The following PTPRM variants were observed in gnomAD, a reference collection of about 807,000 sequenced individuals.
The protein encoded by PTPRM is protein tyrosine phosphatase receptor type M, also known as receptor-type tyrosine-protein phosphatase mu.
A neutral mutation model predicts 186.7 loss-of-function variants in PTPRM; 47 were observed. That is an observed-to-expected ratio of 0.25 (90% CI 0.20 to 0.32). The LOEUF (loss-of-function observed/expected upper bound fraction) is 0.32. PTPRM is among the 10% of genes least tolerant of loss of function. The pLI is 1.00. For synonymous variants in PTPRM, 668 were observed against 674.9 expected, an observed-to-expected ratio of 0.99 and a Z score of 0.16; for missense variants, 1,494 against 1,865.0, an observed-to-expected ratio of 0.80 and a Z score of 3.66.
intron 2 of PTPRM, among the ~76,000 whole-genome samples, chr18:7,795,861 C>A (rs1326926354): frequency 1.4e-5 from 2 of 138,944 alleles, no homozygotes; most frequent in African/African-American, 2.8e-5. Flanking sequence ...GTCACCCAGG[C>A]TGAAATTCAG....
chr18:8,151,531 G>C (rs2093006506), intron 14 of PTPRM, among the ~76,000 whole-genome samples: 1 of 131,706 alleles, frequency 7.6e-6, no homozygotes, highest in African/African-American at 3.0e-5. Context: ...GACTACTGCT[G>C]TGCTGGCTGC....
intron 14 of PTPRM, among the ~76,000 whole-genome samples, chr18:8,163,056 G>A (rs1172958190): frequency 1.3e-5 from 2 of 152,170 alleles, no homozygotes; most frequent in Non-Finnish European, 2.9e-5. Flanking sequence ...ACGACAGCTA[G>A]CTCCCAAGGA....
chr18:7,870,185 A>C (rs1283578021), intron 2 of PTPRM, among the ~76,000 whole-genome samples: 1 of 152,126 alleles, frequency 6.6e-6, no homozygotes, highest in African/African-American at 2.4e-5. Flanking sequence ...TGCCTTACTC[A>C]ACATAAATTA....
Position 8,103,038 on chromosome 18 carries a change from C to G in PTPRM, c.1857-10448C>G, listed in dbSNP as rs144826524. On this transcript the variant is annotated intron_variant, in intron 11 of 32. Coordinates refer to ENST00000580170, the MANE Select transcript of PTPRM (RefSeq NM_001105244.2). ...ATATTTAGAAAGGAATCCTTTTTTT[C>G]TGAGAAGTAGGTCTCAACAGTGGGC... Among the ~76,000 whole-genome samples, 379 of 151,956 alleles carry G rather than the reference C, an allele frequency of 2.5e-3. 1 individual carries two copies. The highest frequency in any genetic ancestry group is 8.7e-3 in the African/African-American group (362 of 41,422).
At chr18:7,607,937 A>G (rs965299884) in intron 1 of PTPRM, among the ~76,000 whole-genome samples, 2 of 152,192 alleles carry the variant, frequency 1.3e-5, no homozygotes, top group African/African-American at 2.4e-5. Context: ...AGCTTATTAC[A>G]GCTCCAGCCT....
intron 1 of PTPRM, among the ~76,000 whole-genome samples, chr18:7,689,162 G>T (rs1488631994): frequency 1.3e-5 from 2 of 152,152 alleles, no homozygotes; most frequent in Non-Finnish European, 1.5e-5. Flanking sequence ...AAGTAACTGG[G>T]ATTCATGGAA....
At chr18:8,233,088 G>T (rs7241153) in intron 14 of PTPRM, among the ~76,000 whole-genome samples, 17,494 of 152,206 alleles carry the variant, frequency 0.11, 1,192 homozygotes, top group Non-Finnish European at 0.16. Context: ...GTTTGAGTTT[G>T]CCCACATCCT....
At chr18:8,041,557 T>C (rs2086693013) in intron 7 of PTPRM, among the ~76,000 whole-genome samples, 1 of 152,190 alleles carries the variant, frequency 6.6e-6, no homozygotes, top group African/African-American at 2.4e-5. Context: ...TGTCCTGCAG[T>C]GTGTTTGTGC....
At chr18:7,596,269 G>A (rs940578995) in intron 1 of PTPRM, among the ~76,000 whole-genome samples, 100 of 152,150 alleles carry the variant, frequency 6.6e-4, no homozygotes, top group Admixed American at 6.3e-3. Context: ...GGATCCTCTG[G>A]ACATAGGGAG....
chr18:8,368,755 C>A (rs2095647313), intron 23 of PTPRM, among the ~76,000 whole-genome samples: 1 of 152,220 alleles, frequency 6.6e-6, no homozygotes, highest in Admixed American at 6.5e-5. Context: ...CAGTCTGGGA[C>A]TTTCCTTCCT....
rs551142735 is a variant in PTPRM at position 8,363,477 on chromosome 18, G to A, written c.3055-7413G>A. ...TATATCATGTACCACTCTAAGAAAT[G>A]TCCTCTCTGATGTACCTGGCGGCAT... On this transcript the variant is annotated intron_variant, in intron 23 of 32. Transcript: ENST00000580170. 2.0e-5 allele frequency among the ~76,000 whole-genome samples: 3 copies of A among 152,220 alleles called. No individual in the cohort carries two copies. The South Asian group carries it at 6.2e-4, about 32-fold the overall frequency.
intron 2 of PTPRM, among the ~76,000 whole-genome samples, chr18:7,788,832 A>G (rs1410701555): frequency 6.6e-6 from 1 of 152,238 alleles, no homozygotes; most frequent in East Asian, 1.9e-4. Context: ...TTTTGTTAAT[A>G]TAGCCATGGG....
At chr18:8,240,172 A>G (rs1301582800) in intron 14 of PTPRM, among the ~76,000 whole-genome samples, 1 of 152,168 alleles carries the variant, frequency 6.6e-6, no homozygotes, top group East Asian at 1.9e-4. Context: ...TTACTTATCG[A>G]CAATCCTAAC....
chr18:7,836,796 C>T (rs2046073737), intron 2 of PTPRM, among the ~76,000 whole-genome samples: 1 of 152,146 alleles, frequency 6.6e-6, no homozygotes, highest in African/African-American at 2.4e-5. Flanking sequence ...TCCTTCAGCA[C>T]TTCAAATATG....
At chr18:8,133,656 C>T (rs2092568497) in intron 13 of PTPRM, among the ~76,000 whole-genome samples, 1 of 151,904 alleles carries the variant, frequency 6.6e-6, no homozygotes, top group African/African-American at 2.4e-5. Context: ...GGAGCAAAGG[C>T]CTTGGGAAGG....
intron 20 of PTPRM, among the ~76,000 whole-genome samples, chr18:8,308,950 A>G (rs2095247409): frequency 6.6e-6 from 1 of 152,202 alleles, no homozygotes; most frequent in African/African-American, 2.4e-5. Context: ...CAGCGTTGGT[A>G]TATACTCTTC....
At chr18:7,852,709 A>G (rs2046924695) in intron 2 of PTPRM, among the ~76,000 whole-genome samples, 1 of 151,812 alleles carries the variant, frequency 6.6e-6, no homozygotes, top group East Asian at 1.9e-4. Flanking sequence ...GAAAAGAAAC[A>G]ACTGTGGATG....
At position 8,177,217 on chromosome 18, in the gene PTPRM, C is replaced by T. The variant is rs550236649; in HGVS notation, c.2300+33438C>T. ...GTGTACACTTTCTCAGCCAACCATTCAACCAATAAAGTAAGTAGTTTCTTT... is the reference window on the plus strand; with the variant it reads ...GTGTACACTTTCTCAGCCAACCATTTAACCAATAAAGTAAGTAGTTTCTTT... On this transcript the variant is annotated intron_variant, in intron 14 of 32. Transcript: ENST00000580170. 3.3e-5 allele frequency among the ~76,000 whole-genome samples: 5 copies of T among 152,214 alleles called. No homozygotes were observed. In the South Asian group the frequency reaches 8.3e-4, roughly 25 times the overall value.
chr18:8,355,777 A>G (rs1000048640), intron 23 of PTPRM, among the ~76,000 whole-genome samples: 3 of 152,300 alleles, frequency 2.0e-5, no homozygotes. Flanking sequence ...TATAAGCTCA[A>G]AATGTTGATG....
Sources: gnomAD v4.1 joint callset for allele counts (sites outside exome capture counted in the v4.1 genomes callset) on GRCh38, gnomAD v4.1.1 for gene constraint, MANE v1.5 for transcripts, NCBI Gene and HGNC (gene_info 2026-07-23, HGNC 2026-07-21) for gene names.